The following GPR173 variants were observed in gnomAD, a reference collection of about 807,000 sequenced individuals.
The protein encoded by GPR173 is probable G protein-coupled receptor 173.
In GPR173, 2 loss-of-function variants were observed where a neutral mutation model predicts 13.9. The observed-to-expected ratio is 0.14, with a 90% confidence interval of 0.06 to 0.45. The LOEUF (loss-of-function observed/expected upper bound fraction) is 0.45. GPR173 is among the 20% of genes least tolerant of loss of function. The pLI, the probability that GPR173 is intolerant of heterozygous loss-of-function variation, is 0.98. For synonymous variants in GPR173, 131 were observed against 141.0 expected (o/e 0.93, Z 0.50); for missense variants, 202 against 340.5 (o/e 0.59, Z 3.20).
Position 53,077,678 on chromosome X carries a change from A to G in GPR173, c.1057A>G (p.Thr353Ala), listed in dbSNP as rs782056968. Residue 353 changes from threonine (T) to alanine (A), a missense_variant, in exon 2 of 2, where the codon ACT (threonine) becomes GCT (alanine). This residue lies in a region of GPR173 where 76 missense variants were observed against 116.3 expected (regional missense o/e 0.65). Coordinates refer to ENST00000332582, the MANE Select transcript of GPR173 (RefSeq NM_018969.6). ...CAAGGACCTCAAGAAGTGCCTGAGG[A>G]CTCACGCCCCCTGCTGGGGCACAGG... is the stretch of plus-strand genomic sequence containing the variant. ...LNKDLKKCLR[T>A]HAPCWGTGGA... 1.7e-6 allele frequency: 2 copies of G among 1,205,897 alleles called. No homozygotes were observed. The highest frequency in any genetic ancestry group is 3.5e-5 in the South Asian group (2 of 56,858).
At chrX:53,059,914 G>A (rs1218045980) in intron 1 of GPR173, among the ~76,000 whole-genome samples, 2 of 106,027 alleles carry the variant, frequency 1.9e-5, no homozygotes, top group East Asian at 5.9e-4. Flanking sequence ...CCTTGAGCCC[G>A]GAGTTCAAGG....
At chrX:53,074,079 T>TAA (rs1932343704) in intron 1 of GPR173, among the ~76,000 whole-genome samples, 1 of 31,648 alleles carries the variant, frequency 3.2e-5, no homozygotes, top group Non-Finnish European at 4.5e-5. Context: ...AATATACATG[T>TAA]ATATTTATTT....
At chrX:53,055,857 T>A (rs1932026591) in intron 1 of GPR173, among the ~76,000 whole-genome samples, 1 of 107,743 alleles carries the variant, frequency 9.3e-6, no homozygotes, top group Admixed American at 1.0e-4. Context: ...ATTTGGAGTG[T>A]GCGTGTGCTG....
At chrX:53,060,703 C>T (rs782671484) in intron 1 of GPR173, among the ~76,000 whole-genome samples, 9 of 107,641 alleles carry the variant, frequency 8.4e-5, no homozygotes, top group South Asian at 4.2e-4. Flanking sequence ...GCCCCTTACC[C>T]GTCTCTGGTT....
At chrX:53,065,274 A>G (rs1375726753) in intron 1 of GPR173, 1 of 112,256 alleles carries the variant, frequency 8.9e-6, no homozygotes, top group Non-Finnish European at 1.9e-5. Context: ...CACACAACCC[A>G]ATGTTTGACC....
chrX:53,061,373 A>G (rs782609010), intron 1 of GPR173, among the ~76,000 whole-genome samples: 1 of 111,639 alleles, frequency 9.0e-6, no homozygotes, highest in Non-Finnish European at 1.9e-5. Flanking sequence ...GTGTCTGTAT[A>G]TGAGTGTCTC....
Position 53,077,702 on chromosome X carries a change from G to T in GPR173, c.1081G>T (p.Gly361Ter). 8.3e-7 allele frequency: 1 copy of T among 1,205,559 alleles called. No individual in the cohort carries two copies. Among genetic ancestry groups the T allele is most frequent in the Non-Finnish European group, 1.1e-6 (1 of 890,350 alleles). The change falls in exon 2 of 2, where the codon GGA becomes TGA. Residue 361 changes from glycine (G) to a stop codon, truncating the protein, a stop_gained. Transcript: ENST00000332582. LOFTEE classifies it high-confidence loss of function. ...GACTCACGCCCCCTGCTGGGGCACAGGAGGTGCCCCGGCTCCCAGAGAACC... is the reference window on the plus strand; with the variant it reads ...GACTCACGCCCCCTGCTGGGGCACATGAGGTGCCCCGGCTCCCAGAGAACC... ...LRTHAPCWGT[G>*]GAPAPREPYC...
At chrX:53,055,131 G>C (rs782526896) in intron 1 of GPR173, among the ~76,000 whole-genome samples, 2 of 108,752 alleles carry the variant, frequency 1.8e-5, no homozygotes, top group African/African-American at 6.7e-5. Flanking sequence ...AGAATTGGGG[G>C]TCGAGATTGT....
chrX:53,054,308 T>G (rs782430589), intron 1 of GPR173, among the ~76,000 whole-genome samples: 2 of 110,036 alleles, frequency 1.8e-5, no homozygotes, highest in Admixed American at 1.9e-4. Flanking sequence ...GTCAGGAGTT[T>G]GAGACCAGCC....
At chrX:53,066,858 C>T (rs1006047997) in intron 1 of GPR173, among the ~76,000 whole-genome samples, 24 of 111,119 alleles carry the variant, frequency 2.2e-4, no homozygotes, top group African/African-American at 7.9e-4. Flanking sequence ...GATTTAATTA[C>T]ATTCATCTGG....
intron 1 of GPR173, among the ~76,000 whole-genome samples, chrX:53,067,803 G>C (rs1231221489): frequency 2.6e-5 from 2 of 77,788 alleles, no homozygotes; most frequent in East Asian, 4.1e-4. Flanking sequence ...CCGCCTGGGC[G>C]ACAGAGCGAG....
intron 1 of GPR173, among the ~76,000 whole-genome samples, chrX:53,058,978 G>A (rs1217460300): frequency 4.6e-5 from 5 of 109,260 alleles, no homozygotes; most frequent in African/African-American, 6.7e-5. Context: ...GGCCGAGCGC[G>A]GTGGCTGACG....
chrX:53,060,029 T>TAC (rs200398295), intron 1 of GPR173, among the ~76,000 whole-genome samples: 4 of 102,003 alleles, frequency 3.9e-5, no homozygotes, highest in Non-Finnish European at 5.9e-5. Flanking sequence ...TATATATATA[T>TAC]ATACACACAC....
intron 1 of GPR173, among the ~76,000 whole-genome samples, chrX:53,065,757 T>G (rs1290228307): frequency 8.9e-6 from 1 of 112,132 alleles, no homozygotes; most frequent in Non-Finnish European, 1.9e-5. Flanking sequence ...GGATTCTTTT[T>G]TAAATGTAGC....
intron 1 of GPR173, among the ~76,000 whole-genome samples, chrX:53,056,648 CTG>C (rs1556803238): frequency 2.7e-5 from 3 of 109,944 alleles, no homozygotes; most frequent in Non-Finnish European, 3.8e-5. Context: ...GTGAGTGTAT[CTG>C]TGTGTGAGTG....
At position 53,068,496 on chromosome X, in the gene GPR173, C is replaced by T. The variant is rs77532701; in HGVS notation, c.-97-8029C>T. On this transcript the variant is annotated intron_variant, in intron 1 of 1. Transcript: ENST00000332582. ...AAAATCAAATTAAAAGAAAAATAGG[C>T]GGGGTGCAATAGTTCATGCCTGTAA... Among the ~76,000 whole-genome samples the T allele has an allele frequency of 7.0e-3, 773 of 109,752 alleles. 7 individuals are homozygous for T. Among genetic ancestry groups the T allele is most frequent in the East Asian group, 0.025 (88 of 3,529 alleles).
At chrX:53,073,803 TA>T (rs1224614898) in intron 1 of GPR173, among the ~76,000 whole-genome samples, 7 of 78,721 alleles carry the variant, frequency 8.9e-5, no homozygotes, top group Non-Finnish European at 1.6e-4. Flanking sequence ...TTTATATATT[TA>T]AAAAATTTTA....
In GPR173 at chrX:53,078,989, C is replaced by T. The variant is rs963136307; in HGVS notation, c.*1246C>T. ...CCCTCCTTCCCCATCCTTCCCCCACCCTTACCTACACCCAAAGTGGAGCAC... is the reference window on the plus strand; with the variant it reads ...CCCTCCTTCCCCATCCTTCCCCCACTCTTACCTACACCCAAAGTGGAGCAC... On this transcript the variant is annotated 3_prime_UTR_variant, in exon 2 of 2. Coordinates refer to ENST00000332582, the MANE Select transcript of GPR173 (RefSeq NM_018969.6). 2 of 122,381 alleles carry T rather than the reference C, an allele frequency of 1.6e-5. No individual in the cohort carries two copies. Among genetic ancestry groups the T allele is most frequent in the African/African-American group, 6.6e-5 (2 of 30,523 alleles). The allele number at this position is 122,381 out of a possible 1,213,427, so 10.1% of individuals were successfully genotyped here.
At position 53,079,892 on chromosome X, in the gene GPR173, A is replaced by T. The variant is rs782531015; in HGVS notation, c.*2149A>T. The T allele has an allele frequency of 8.2e-6, 1 of 122,608 alleles. No homozygotes were observed. Among genetic ancestry groups the T allele is most frequent in the Admixed American group, 9.4e-5 (1 of 10,584 alleles). The allele number at this position is 122,608 out of a possible 1,213,427, so 10.1% of individuals were successfully genotyped here. On this transcript the variant is annotated 3_prime_UTR_variant, in exon 2 of 2. Coordinates refer to ENST00000332582, the MANE Select transcript of GPR173 (RefSeq NM_018969.6). ...CTACATAGGTCGGTAGCAAGAGGGT[A>T]GACTCCCATCTCACAAGATGGGCCT...
Sources: gnomAD v4.1 joint callset for allele counts (sites outside exome capture counted in the v4.1 genomes callset) on GRCh38, gnomAD v4.1.1 for gene constraint, gnomAD v4.1.1 regional missense constraint, MANE v1.5 for transcripts, NCBI Gene and HGNC (gene_info 2026-07-23, HGNC 2026-07-21) for gene names.